DPP10: variants seen among roughly 807,000 people sequenced by gnomAD.
DPP10 encodes dipeptidyl peptidase like 10, also known as inactive dipeptidyl peptidase 10.
DPP10 carries 33 observed loss-of-function variants against 120.9 expected under a neutral mutation model. The ratio of observed to expected loss-of-function variants is 0.27; its 90% CI spans 0.21 to 0.37. The LOEUF (loss-of-function observed/expected upper bound fraction) is 0.37, where lower values mean the gene tolerates loss of function less well. Ranked by LOEUF, DPP10 falls within the 10% of genes least tolerant of loss-of-function variation. The probability of loss-of-function intolerance (pLI) is 1.00; values close to 1 mark genes in which losing one functional copy is unlikely to be tolerated. For missense variants in DPP10, 816 were observed against 942.8 expected, an observed-to-expected ratio of 0.87 and a Z score of 1.76; for synonymous variants, 337 against 326.1, an observed-to-expected ratio of 1.03 and a Z score of -0.36.
intron 3 of DPP10, among the ~76,000 whole-genome samples, chr2:115,406,061 G>T (rs2068487905): frequency 6.6e-6 from 1 of 152,170 alleles, no homozygotes; most frequent in African/African-American, 2.4e-5. Flanking sequence ...ACATGGTCAA[G>T]CAATAAATTG....
intron 1 of DPP10, among the ~76,000 whole-genome samples, chr2:115,153,791 T>G (rs1228123980): frequency 6.6e-6 from 1 of 152,212 alleles, no homozygotes; most frequent in Non-Finnish European, 1.5e-5. Context: ...CTTCCTAAGT[T>G]GCATAAAAAT....
intron 5 of DPP10, among the ~76,000 whole-genome samples, chr2:115,649,006 T>G (rs1321581486): frequency 1.3e-5 from 2 of 152,028 alleles, no homozygotes; most frequent in East Asian, 3.9e-4. Flanking sequence ...ACAAACTGAG[T>G]GAGTCCACAT....
chr2:115,727,694 A>AAAC (rs1406156315), intron 7 of DPP10, 122 bp from the exon 8 acceptor site: 3 of 1,119,536 alleles, frequency 2.7e-6, no homozygotes, highest in Non-Finnish European at 3.5e-6. Context: ...CCTTGAATAA[A>AAAC]AACAACTTGA....
At chr2:115,557,358 G>A (rs1296985090) in intron 5 of DPP10, among the ~76,000 whole-genome samples, 1 of 152,138 alleles carries the variant, frequency 6.6e-6, no homozygotes, top group African/African-American at 2.4e-5. Flanking sequence ...CAAGAAGGAG[G>A]TTTGAAGTGC....
intron 1 of DPP10, among the ~76,000 whole-genome samples, chr2:115,004,865 C>T (rs866057748): frequency 2.1e-4 from 32 of 152,154 alleles, no homozygotes; most frequent in Middle Eastern, 3.2e-3. Context: ...TGGAGCCCAC[C>T]ACAGCTCAAG....
intron 1 of DPP10, among the ~76,000 whole-genome samples, chr2:115,291,966 A>G (rs2060675286): frequency 6.6e-6 from 1 of 152,178 alleles, no homozygotes; most frequent in African/African-American, 2.4e-5. Flanking sequence ...AGAAACCCAG[A>G]ACTGGAAAGT....
intron 1 of DPP10, among the ~76,000 whole-genome samples, chr2:115,069,520 A>G (rs1420707611): frequency 6.6e-6 from 1 of 152,082 alleles, no homozygotes; most frequent in Non-Finnish European, 1.5e-5. Context: ...ATTGTAATGG[A>G]TATCCTCCAG....
At chr2:114,667,704 G>C (rs1698033158) in intron 1 of DPP10, among the ~76,000 whole-genome samples, 1 of 152,092 alleles carries the variant, frequency 6.6e-6, no homozygotes, top group African/African-American at 2.4e-5. Context: ...TGCTACAGAG[G>C]GGATAAGACT....
intron 1 of DPP10, among the ~76,000 whole-genome samples, chr2:115,178,356 A>G (rs1284977445): frequency 6.6e-6 from 1 of 152,212 alleles, no homozygotes; most frequent in Non-Finnish European, 1.5e-5. Flanking sequence ...CCTAGAAGTT[A>G]TGTGGCCCTA....
At chr2:114,987,502 C>T (rs941954964) in intron 1 of DPP10, among the ~76,000 whole-genome samples, 1 of 152,132 alleles carries the variant, frequency 6.6e-6, no homozygotes, top group Non-Finnish European at 1.5e-5. Flanking sequence ...CTCCTTTCTT[C>T]TCTTTCCTTC....
intron 1 of DPP10, among the ~76,000 whole-genome samples, chr2:115,018,764 T>C (rs1702853794): frequency 6.6e-6 from 1 of 152,064 alleles, no homozygotes; most frequent in Non-Finnish European, 1.5e-5. Flanking sequence ...CTAATGTAGA[T>C]GATGGACTGA....
At chr2:115,642,678 C>G (rs899839126) in intron 5 of DPP10, among the ~76,000 whole-genome samples, 2 of 152,050 alleles carry the variant, frequency 1.3e-5, no homozygotes, top group African/African-American at 2.4e-5. Context: ...CTCTCTCCCT[C>G]TCAGTATCTC....
intron 1 of DPP10, among the ~76,000 whole-genome samples, chr2:114,579,954 T>C (rs1369015560): frequency 6.6e-6 from 1 of 152,192 alleles, no homozygotes; most frequent in African/African-American, 2.4e-5. Context: ...TGAATTTGTT[T>C]TGTGAAAGCC....
chr2:115,366,316 G>C (rs964129081), intron 3 of DPP10, among the ~76,000 whole-genome samples: 1 of 151,754 alleles, frequency 6.6e-6, no homozygotes, highest in African/African-American at 2.4e-5. Flanking sequence ...ATTTTCTTGT[G>C]TATAGGAACA....
At chr2:114,876,589 A>T (rs944492744) in intron 1 of DPP10, among the ~76,000 whole-genome samples, 9 of 152,118 alleles carry the variant, frequency 5.9e-5, no homozygotes, top group Non-Finnish European at 1.2e-4. Context: ...ATTTGATGAC[A>T]TATGCCATGA....
chr2:115,784,321 T>G (rs375007072), intron 17 of DPP10, among the ~76,000 whole-genome samples: 3 of 152,056 alleles, frequency 2.0e-5, no homozygotes, highest in Non-Finnish European at 4.4e-5. Context: ...AGTAGAATAG[T>G]GCATGGAGAG....
chr2:115,198,739 AT>A (rs1276751851), intron 1 of DPP10, among the ~76,000 whole-genome samples: 16 of 151,838 alleles, frequency 1.1e-4, no homozygotes, highest in Admixed American at 6.6e-5. Context: ...AGTGAAGAAG[AT>A]TTTTTTTCTT....
chr2:115,011,499 A>T (rs1405811653), intron 1 of DPP10, among the ~76,000 whole-genome samples: 1 of 152,154 alleles, frequency 6.6e-6, no homozygotes, highest in Non-Finnish European at 1.5e-5. Flanking sequence ...GACCCTTTTA[A>T]CCCATGGTAA....
intron 1 of DPP10, among the ~76,000 whole-genome samples, chr2:114,844,094 T>C (rs927080171): frequency 6.6e-6 from 1 of 152,132 alleles, no homozygotes; most frequent in Non-Finnish European, 1.5e-5. Context: ...TCCCTTTTAG[T>C]CTCTTTTTGT....
Sources: gnomAD v4.1 joint callset for allele counts (sites outside exome capture counted in the v4.1 genomes callset) on GRCh38, gnomAD v4.1.1 for gene constraint, MANE v1.5 for transcripts, NCBI Gene and HGNC (gene_info 2026-07-23, HGNC 2026-07-21) for gene names.